The following KCNQ5 variants were observed in gnomAD, a reference collection of about 807,000 sequenced individuals.
The protein encoded by KCNQ5 is potassium voltage-gated channel subfamily Q member 5.
Under a neutral mutation model 98.2 loss-of-function variants are expected in KCNQ5, and 30 were observed. The ratio of observed to expected loss-of-function variants is 0.31; its 90% CI spans 0.23 to 0.41. The LOEUF is 0.41. Among genes scored for constraint, KCNQ5 ranks in the 10% least tolerant of loss-of-function variants. KCNQ5 has a pLI of 1.00. For missense variants in KCNQ5, 835 were observed against 1,182.5 expected (o/e 0.71, Z 4.31); for synonymous variants, 458 against 449.4 (o/e 1.02, Z -0.24).
intron 1 of KCNQ5, among the ~76,000 whole-genome samples, chr6:72,935,983 C>T (rs1349783099): frequency 6.6e-6 from 1 of 152,184 alleles, no homozygotes; most frequent in African/African-American, 2.4e-5. Flanking sequence ...CCTTCTCAGC[C>T]TTCTTAATAA....
At chr6:72,965,288 A>C (rs1767548298) in intron 1 of KCNQ5, among the ~76,000 whole-genome samples, 1 of 152,230 alleles carries the variant, frequency 6.6e-6, no homozygotes. Flanking sequence ...TTAGTGAATC[A>C]ACAATATTAA....
At chr6:72,910,918 T>C (rs1324684385) in intron 1 of KCNQ5, among the ~76,000 whole-genome samples, 2 of 152,124 alleles carry the variant, frequency 1.3e-5, no homozygotes, top group Non-Finnish European at 2.9e-5. Flanking sequence ...CATGTTGTTT[T>C]AGACACTTGC....
At chr6:72,818,435 G>T (rs1280322298) in intron 1 of KCNQ5, among the ~76,000 whole-genome samples, 2 of 151,976 alleles carry the variant, frequency 1.3e-5, no homozygotes, top group South Asian at 4.2e-4. Flanking sequence ...CAGCAAGGAA[G>T]GGTATTTTTC....
At chr6:73,133,761 A>ATTGT (rs574755298) in intron 10 of KCNQ5, 120 bp downstream of exon 10, 1 of 919,882 alleles carries the variant, frequency 1.1e-6, no homozygotes, top group South Asian at 1.6e-5. Context: ...CAGAGAAAGA[A>ATTGT]TTGTTTGTTT....
At chr6:73,000,349 G>A (rs750580676) in intron 1 of KCNQ5, among the ~76,000 whole-genome samples, 2 of 152,112 alleles carry the variant, frequency 1.3e-5, no homozygotes, top group Non-Finnish European at 2.9e-5. Context: ...TCTCCATGAT[G>A]TCATTTGCCA....
intron 10 of KCNQ5, among the ~76,000 whole-genome samples, chr6:73,141,376 TTC>T (rs1246195538): frequency 3.3e-5 from 5 of 152,252 alleles, no homozygotes; most frequent in Admixed American, 2.6e-4. Context: ...AACAGGTTGC[TTC>T]TTCCATTACT....
At position 72,744,814 on chromosome 6, in the gene KCNQ5, A is replaced by AAAAAAG. The variant is rs1251346269; in HGVS notation, c.398+122245_398+122250dup. 1.2e-4 allele frequency among the ~76,000 whole-genome samples: 19 copies of AAAAAAG among 152,270 alleles called. No homozygotes were observed. The South Asian group carries it at 3.1e-3, about 25-fold the overall frequency. ...GACAGAGCGAGACTCCGTCTAAAAA[A>AAAAAAG]AAAAAGAAAAAGAAAAAGAAAAAAT... On this transcript the variant is annotated intron_variant, in intron 1 of 13. Coordinates refer to ENST00000370398, the MANE Select transcript of KCNQ5 (RefSeq NM_019842.4).
intron 10 of KCNQ5, among the ~76,000 whole-genome samples, chr6:73,134,533 A>G (rs111618168): frequency 1.3e-5 from 2 of 152,344 alleles, no homozygotes; most frequent in Non-Finnish European, 2.9e-5. Context: ...AATCACAATG[A>G]TCTGAGGATC....
At chr6:72,713,780 G>C (rs1000088204) in intron 1 of KCNQ5, among the ~76,000 whole-genome samples, 17 of 152,176 alleles carry the variant, frequency 1.1e-4, no homozygotes, top group Admixed American at 9.8e-4. Context: ...CCCTTCTCAG[G>C]CTTCTCCTTT....
chr6:72,771,887 G>A (rs1001117914), intron 1 of KCNQ5, among the ~76,000 whole-genome samples: 2 of 151,984 alleles, frequency 1.3e-5, no homozygotes, highest in African/African-American at 2.4e-5. Context: ...CTATGGTTGG[G>A]TTATTTACGT....
chr6:72,694,705 C>G (rs115498470), intron 1 of KCNQ5, among the ~76,000 whole-genome samples: 325 of 152,308 alleles, frequency 2.1e-3, no homozygotes, highest in African/African-American at 7.6e-3. Context: ...TGGAACTACA[C>G]CTTTTTTTAA....
chr6:72,821,969 G>A (rs1034010296), intron 1 of KCNQ5, among the ~76,000 whole-genome samples: 3 of 152,038 alleles, frequency 2.0e-5, no homozygotes, highest in African/African-American at 7.2e-5. Context: ...CCCCTGAACG[G>A]CCCTATCTTA....
At chr6:73,058,767 A>C (rs1772642031) in intron 3 of KCNQ5, among the ~76,000 whole-genome samples, 1 of 152,220 alleles carries the variant, frequency 6.6e-6, no homozygotes, top group South Asian at 2.1e-4. Flanking sequence ...TTGAACAGAC[A>C]CTTGTAAAAG....
intron 1 of KCNQ5, among the ~76,000 whole-genome samples, chr6:72,947,895 C>A (rs1766620954): frequency 6.6e-6 from 1 of 152,074 alleles, no homozygotes; most frequent in South Asian, 2.1e-4. Context: ...TTACAGAATA[C>A]TTTAACTAGA....
chr6:72,898,041 AG>A, intron 1 of KCNQ5, among the ~76,000 whole-genome samples: 1 of 152,314 alleles, frequency 6.6e-6, no homozygotes, highest in Non-Finnish European at 1.5e-5. Context: ...AAGTACTAAA[AG>A]TTTGCTGTTT....
intron 11 of KCNQ5, among the ~76,000 whole-genome samples, chr6:73,184,313 A>AC (rs1247140755): frequency 7.2e-5 from 11 of 152,158 alleles, no homozygotes; most frequent in Non-Finnish European, 1.6e-4. Flanking sequence ...ACTTTTCTGA[A>AC]CCCCACATGG....
intron 1 of KCNQ5, among the ~76,000 whole-genome samples, chr6:72,794,485 T>A (rs148150358): frequency 6.6e-6 from 1 of 152,216 alleles, no homozygotes; most frequent in Non-Finnish European, 1.5e-5. Context: ...TTGTCATTTT[T>A]CAAGTGTTGG....
chr6:73,127,708 T>C (rs1776047670), intron 9 of KCNQ5, among the ~76,000 whole-genome samples: 1 of 152,236 alleles, frequency 6.6e-6, no homozygotes, highest in Non-Finnish European at 1.5e-5. Context: ...AAAATTTGCC[T>C]ACGATGTCTT....
chr6:73,018,601 A>G lies in KCNQ5; in HGVS notation c.489+14603A>G, dbSNP rs144158173. ...GTATGCTGTGAGCCAGAGGCATGGCATACATTATATAACAGCTGTACACTG... is the reference window on the plus strand; with the variant it reads ...GTATGCTGTGAGCCAGAGGCATGGCGTACATTATATAACAGCTGTACACTG... On this transcript the variant is annotated intron_variant, in intron 2 of 13. Transcript: ENST00000370398. 7.2e-3 allele frequency among the ~76,000 whole-genome samples: 1,089 copies of G among 152,228 alleles called. 17 individuals are homozygous for G. Among genetic ancestry groups the G allele is most frequent in the African/African-American group, 0.025 (1,038 of 41,504 alleles).
Sources: gnomAD v4.1 joint callset for allele counts (sites outside exome capture counted in the v4.1 genomes callset) on GRCh38, gnomAD v4.1.1 for gene constraint, MANE v1.5 for transcripts, NCBI Gene and HGNC (gene_info 2026-07-23, HGNC 2026-07-21) for gene names.